Variants in SLC25A48 observed in about 807,000 individuals in gnomAD.
The protein encoded by SLC25A48 is CTC-321K16.1.
In SLC25A48, 29 loss-of-function variants were observed where a neutral mutation model predicts 32.2. That is an observed-to-expected ratio of 0.90 (90% confidence interval 0.67 to 1.23). The LOEUF is 1.23. SLC25A48 is among the 50% of genes most tolerant of loss of function. The pLI, the probability that SLC25A48 is intolerant of heterozygous loss-of-function variation, is 0.00. For missense variants in SLC25A48, 399 were observed against 422.7 expected, an observed-to-expected ratio of 0.94 and a Z score of 0.49; for synonymous variants, 164 against 172.3, an observed-to-expected ratio of 0.95 and a Z score of 0.38.
At chr5:135,732,450 G>C (rs1561467666) in intron 3 of SLC25A48, among the ~76,000 whole-genome samples, 1 of 152,164 alleles carries the variant, frequency 6.6e-6, no homozygotes. Flanking sequence ...TTAGTTTCCT[G>C]ACCCAAGGCA....
At chr5:135,753,449 C>A (rs7733669) in intron 3 of SLC25A48, among the ~76,000 whole-genome samples, 2,437 of 152,022 alleles carry the variant, frequency 0.016, 47 homozygotes, top group African/African-American at 0.044. Context: ...GGAAATTATT[C>A]CTAATATCAT....
rs191713046 is a variant in SLC25A48, at chr5:135,672,007, G to T, written c.-521+37051G>T. ...ACTGGCCTTCCCAGAGGAATTGGAG[G>T]TCTAAGCAAAGCCAACCATTAGCTT... On this transcript the variant is annotated intron_variant, in intron 3 of 10. Coordinates refer to the SLC25A48 transcript ENST00000646290. Among the ~76,000 whole-genome samples the T allele has an allele frequency of 2.6e-5, 4 of 152,292 alleles. No individual in the cohort carries two copies. In the East Asian group the frequency reaches 7.7e-4, roughly 29 times the overall value.
chr5:135,885,972 G>C (rs76144125), intron 7 of SLC25A48, among the ~76,000 whole-genome samples: 5,674 of 151,954 alleles, frequency 0.037, 153 homozygotes, highest in Middle Eastern at 0.065. Context: ...TAATTATATG[G>C]GCATTGAAAA....
At chr5:135,596,557 TC>T (rs1480296698) in intron 1 of SLC25A48, among the ~76,000 whole-genome samples, 1 of 152,196 alleles carries the variant, frequency 6.6e-6, no homozygotes, top group African/African-American at 2.4e-5. Context: ...ATGATCTCTT[TC>T]CTGACTCACT....
chr5:135,625,343 A>G (rs1752419902), intron 1 of SLC25A48, among the ~76,000 whole-genome samples: 1 of 152,122 alleles, frequency 6.6e-6, no homozygotes, highest in Non-Finnish European at 1.5e-5. Flanking sequence ...GATGAGGGGC[A>G]TGAAGTGGAG....
chr5:135,836,100 GC>G (rs1236360603), intron 1 of SLC25A48, among the ~76,000 whole-genome samples: 4 of 152,206 alleles, frequency 2.6e-5, no homozygotes, highest in African/African-American at 9.6e-5. Context: ...TCCGTGGGCT[GC>G]CCCTTAAATA....
chr5:135,850,588 G>A, intron 3 of SLC25A48, 92 bp downstream of exon 3: 1 of 1,205,148 alleles, frequency 8.3e-7, no homozygotes, highest in Non-Finnish European at 1.2e-6. Flanking sequence ...ATGCAGGTGG[G>A]GGCCTCTCAT....
intron 1 of SLC25A48, among the ~76,000 whole-genome samples, chr5:135,585,834 A>G (rs892026797): frequency 2.0e-4 from 30 of 152,100 alleles, no homozygotes; most frequent in Admixed American, 4.6e-4. Context: ...TAGAACAAAC[A>G]TGTTGCACAG....
intron 3 of SLC25A48, among the ~76,000 whole-genome samples, chr5:135,756,286 A>G (rs1308522317): frequency 2.3e-5 from 3 of 132,722 alleles, no homozygotes; most frequent in African/African-American, 7.4e-5. Context: ...TAAGAAAAAT[A>G]TCATCTTTGT....
chr5:135,643,764 C>A (rs1475467355), intron 3 of SLC25A48, among the ~76,000 whole-genome samples: 6 of 152,200 alleles, frequency 3.9e-5, no homozygotes, highest in Non-Finnish European at 7.3e-5. Flanking sequence ...CGCACAAGTT[C>A]TCAGAGCAGC....
rs370080400 is a variant in SLC25A48 at position 135,779,514 on chromosome 5, G to A, written c.-520-33009G>A. 8.8e-3 allele frequency among the ~76,000 whole-genome samples: 522 copies of A among 59,330 alleles called. 10 individuals carry two copies. The highest frequency in any genetic ancestry group is 0.019 in the South Asian group (28 of 1,488). The allele number at this position is 59,330 out of a possible 152,430, so 38.9% of individuals were successfully genotyped here. A position where few individuals can be genotyped will look rare whatever the true frequency, so the allele number is the denominator to read the frequency against. ...ATGATATTACTCCCAATATTGCAGG[G>A]GGTGTACATGCCCCCCTGTGATATT... On this transcript the variant is annotated intron_variant, in intron 3 of 10. Coordinates refer to the SLC25A48 transcript ENST00000646290.
At chr5:135,766,963 A>G (rs1223097118) in intron 3 of SLC25A48, among the ~76,000 whole-genome samples, 1 of 151,692 alleles carries the variant, frequency 6.6e-6, no homozygotes, top group Non-Finnish European at 1.5e-5. Context: ...TCTTCATACC[A>G]CGGGAAGTAT....
chr5:135,587,016 C>A (rs986373292), intron 1 of SLC25A48, among the ~76,000 whole-genome samples: 2 of 152,020 alleles, frequency 1.3e-5, no homozygotes, highest in African/African-American at 4.8e-5. Flanking sequence ...AAGGTCAGGG[C>A]ATTGTATTTT....
At chr5:135,685,126 G>A (rs897072525) in intron 3 of SLC25A48, among the ~76,000 whole-genome samples, 2 of 152,182 alleles carry the variant, frequency 1.3e-5, no homozygotes, top group East Asian at 3.9e-4. Flanking sequence ...TCTTGTGGTA[G>A]TTTCAGTTTG....
At chr5:135,605,295 G>A (rs957480554) in intron 1 of SLC25A48, among the ~76,000 whole-genome samples, 2 of 152,222 alleles carry the variant, frequency 1.3e-5, no homozygotes, top group African/African-American at 4.8e-5. Flanking sequence ...TTATGAGATT[G>A]GTTCTAAATG....
chr5:135,828,474 G>T (rs542683261), intron 4 of SLC25A48, among the ~76,000 whole-genome samples: 1 of 152,350 alleles, frequency 6.6e-6, no homozygotes, highest in South Asian at 2.1e-4. Flanking sequence ...GACCCAGTGA[G>T]CTCCTGCTGG....
intron 3 of SLC25A48, among the ~76,000 whole-genome samples, chr5:135,751,948 A>G (rs566253395): frequency 2.4e-4 from 37 of 152,326 alleles, no homozygotes; most frequent in African/African-American, 7.5e-4. Flanking sequence ...TGGTATTGGA[A>G]CAATTGGATA....
chr5:135,805,674 T>C (rs1040825735), intron 3 of SLC25A48, among the ~76,000 whole-genome samples: 3 of 151,608 alleles, frequency 2.0e-5, no homozygotes, highest in African/African-American at 7.3e-5. Flanking sequence ...CCCTGTGATA[T>C]TATTCATAAT....
intron 3 of SLC25A48, among the ~76,000 whole-genome samples, chr5:135,806,016 C>A (rs1348445126): frequency 1.3e-5 from 2 of 151,326 alleles, no homozygotes; most frequent in Non-Finnish European, 3.0e-5. Flanking sequence ...GAGTGTTCAC[C>A]CTGTGTGTAC....
Sources: allele counts gnomAD v4.1 joint callset (sites outside exome capture counted in the v4.1 genomes callset), GRCh38; gene constraint gnomAD v4.1.1; transcripts MANE v1.5; gene names NCBI Gene and HGNC (gene_info 2026-07-23, HGNC 2026-07-21).